Variants in RALGPS1 observed in about 807,000 individuals in gnomAD.
RALGPS1 encodes the protein Ral GEF with PH domain and SH3 binding motif 1.
In RALGPS1, 19 loss-of-function variants were observed where a neutral mutation model predicts 78.8. The observed-to-expected ratio is 0.24, with a 90% CI of 0.17 to 0.35. RALGPS1 has a LOEUF of 0.35. Among genes scored for constraint, RALGPS1 ranks in the 10% least tolerant of loss-of-function variants. The probability of loss-of-function intolerance (pLI) is 1.00; values close to 1 mark genes in which losing one functional copy is unlikely to be tolerated. For missense variants in RALGPS1, 454 were observed against 688.3 expected (o/e 0.66, Z 3.81); for synonymous variants, 228 against 256.3 (o/e 0.89, Z 1.06).
intron 13 of RALGPS1, among the ~76,000 whole-genome samples, chr9:127,198,302 C>T (rs2061447226): frequency 6.6e-6 from 1 of 152,160 alleles, no homozygotes; most frequent in Non-Finnish European, 1.5e-5. Context: ...AGTGCTCAGC[C>T]TTGGTGCTCT....
At chr9:126,927,721 A>G (rs185578130) in intron 1 of RALGPS1, among the ~76,000 whole-genome samples, 2 of 152,186 alleles carry the variant, frequency 1.3e-5, no homozygotes, top group Admixed American at 6.5e-5. Flanking sequence ...TAAAATCTCT[A>G]TCCGCTGAAG....
intron 8 of RALGPS1, among the ~76,000 whole-genome samples, chr9:127,092,204 C>A (rs551848704): frequency 6.6e-6 from 1 of 152,334 alleles, no homozygotes; most frequent in African/African-American, 2.4e-5. Context: ...TATTACCTTC[C>A]CCACAGGCTT....
intron 8 of RALGPS1, among the ~76,000 whole-genome samples, chr9:127,092,613 T>G (rs1185358617): frequency 6.6e-6 from 1 of 152,160 alleles, no homozygotes; most frequent in Non-Finnish European, 1.5e-5. Flanking sequence ...CTAATCCTCA[T>G]GTCAACTCGA....
rs143063344 is a variant in RALGPS1 at position 127,000,850 on chromosome 9, G to A, written c.216+23105G>A. ...ATTATAGGTGTGAGCCACCGCGCCC[G>A]GCCTCTGCTATTGATTTCTAATTCC... On this transcript the variant is annotated intron_variant, in intron 4 of 18. Transcript: ENST00000259351. Among the ~76,000 whole-genome samples the A allele has an allele frequency of 5.3e-5, 8 of 151,266 alleles. No homozygotes were observed. In the East Asian group the frequency reaches 1.6e-3, roughly 29 times the overall value.
At position 126,925,700 on chromosome 9, in the gene RALGPS1, A is replaced by G. The variant is rs1255114865; in HGVS notation, c.-66+10725A>G. On this transcript the variant is annotated intron_variant, in intron 1 of 18. Transcript: ENST00000259351. ...GACCAGTCTGGGCAACATAGACCCTATCTCTTAAAAAAAAAATTATAGCAC... is the reference window on the plus strand; with the variant it reads ...GACCAGTCTGGGCAACATAGACCCTGTCTCTTAAAAAAAAAATTATAGCAC... Among the ~76,000 whole-genome samples the G allele has an allele frequency of 2.6e-5, 4 of 152,242 alleles. No homozygotes were observed. The South Asian group carries it at 6.2e-4, about 24-fold the overall frequency.
intron 7 of RALGPS1, among the ~76,000 whole-genome samples, chr9:127,062,157 G>A (rs1323717715): frequency 6.6e-6 from 1 of 152,082 alleles, no homozygotes; most frequent in Non-Finnish European, 1.5e-5. Context: ...GAGTGCAGTG[G>A]CGCGATCTTG....
intron 1 of RALGPS1, among the ~76,000 whole-genome samples, chr9:126,936,281 T>C (rs2036251186): frequency 6.6e-6 from 1 of 152,228 alleles, no homozygotes; most frequent in Admixed American, 6.5e-5. Flanking sequence ...CCAAGCTTCA[T>C]ACTTGCAGCT....
Position 126,996,978 on chromosome 9 carries a change from A to G in RALGPS1, c.216+19233A>G, listed in dbSNP as rs2133398162. 1.3e-5 allele frequency among the ~76,000 whole-genome samples: 2 copies of G among 152,350 alleles called. 1 individual carries two copies. The highest frequency in any genetic ancestry group is 4.1e-4 in the South Asian group (2 of 4,834). ...GCAGAAAAGGCCTTTGACAAAATTCAACAACGCTTCATGCTAAAAACTCTC... is the reference window on the plus strand; with the variant it reads ...GCAGAAAAGGCCTTTGACAAAATTCGACAACGCTTCATGCTAAAAACTCTC... On this transcript the variant is annotated intron_variant, in intron 4 of 18. Coordinates refer to ENST00000259351, the MANE Select transcript of RALGPS1 (RefSeq NM_014636.3).
intron 5 of RALGPS1, among the ~76,000 whole-genome samples, chr9:127,049,428 A>C (rs1355123988): frequency 6.6e-6 from 1 of 152,200 alleles, no homozygotes; most frequent in Admixed American, 6.5e-5. Flanking sequence ...TTTTTGGTGC[A>C]TGCTGTCTCC....
intron 8 of RALGPS1, among the ~76,000 whole-genome samples, chr9:127,078,606 G>A (rs944722612): frequency 1.3e-5 from 2 of 152,164 alleles, no homozygotes; most frequent in Non-Finnish European, 2.9e-5. Context: ...CTTGTTTTCC[G>A]AATGCTTTGC....
At position 127,091,766 on chromosome 9, in the gene RALGPS1, G is replaced by A. The variant is rs143434673; in HGVS notation, c.610+22410G>A. 2.0e-5 allele frequency: 32 copies of A among 1,614,026 alleles called. No individual in the cohort carries two copies. Among genetic ancestry groups the A allele is most frequent in the South Asian group, 5.5e-5 (5 of 91,082 alleles). On this transcript the variant is annotated intron_variant, in intron 8 of 18. Transcript: ENST00000259351. The surrounding 1 kb of genome is among the most constrained non-coding windows in gnomAD (Gnocchi z 4.3). ...GCATTGCCATGGTAGCGCCCCAGCC[G>A]CAGCTTATAATACTCGCTCTCAGGT...
At chr9:127,180,194 A>G (rs973518556) in intron 11 of RALGPS1, among the ~76,000 whole-genome samples, 3 of 152,212 alleles carry the variant, frequency 2.0e-5, no homozygotes, top group Non-Finnish European at 2.9e-5. Context: ...AGGGCAAGTA[A>G]TGTTTGTGTG....
intron 1 of RALGPS1, among the ~76,000 whole-genome samples, chr9:126,955,621 CAATTT>C (rs939925969): frequency 1.3e-5 from 2 of 151,912 alleles, no homozygotes; most frequent in African/African-American, 4.8e-5. Context: ...ATTTAAAAAA[CAATTT>C]AATATATTTT....
Position 127,183,758 on chromosome 9 carries a change from T to G in RALGPS1, c.910+8976T>G. 1 of 917,806 alleles carries G rather than the reference T, an allele frequency of 1.1e-6. No homozygotes were observed. The allele number at this position is 917,806 out of a possible 1,614,324, so 56.9% of individuals were successfully genotyped here. On this transcript the variant is annotated intron_variant, in intron 11 of 18. Transcript: ENST00000259351. The surrounding 1 kb of genome is among the most constrained non-coding windows in gnomAD (Gnocchi z 4.0). ...CTGGAAACATACTCTCTCTGCCCGT[T>G]TATATTTTCGGAATGGATGGGTGGG... is the stretch of plus-strand genomic sequence containing the variant.
intron 14 of RALGPS1, among the ~76,000 whole-genome samples, chr9:127,207,711 C>T (rs1257573083): frequency 2.0e-5 from 3 of 152,116 alleles, no homozygotes; most frequent in Non-Finnish European, 2.9e-5. Context: ...CAGAGTTGCC[C>T]TGCCCAGCAC....
intron 8 of RALGPS1, among the ~76,000 whole-genome samples, chr9:127,127,982 C>T (rs934656361): frequency 6.6e-6 from 1 of 151,940 alleles, no homozygotes; most frequent in Non-Finnish European, 1.5e-5. Flanking sequence ...CCTGTCAACT[C>T]GTCATTTACA....
chr9:127,071,041 A>C (rs10819265), intron 8 of RALGPS1, among the ~76,000 whole-genome samples: 24,711 of 148,860 alleles, frequency 0.17, 2,706 homozygotes, highest in East Asian at 0.41. Flanking sequence ...CTCTCTCTCT[A>C]TATATATATA....
chr9:127,211,420 C>G lies in RALGPS1; in HGVS notation c.1248-711C>G, dbSNP rs2062249618. Among the ~76,000 whole-genome samples the G allele has an allele frequency of 6.6e-6, 1 of 152,152 alleles. No homozygotes were observed. Among genetic ancestry groups the G allele is most frequent in the Non-Finnish European group, 1.5e-5 (1 of 68,026 alleles). On this transcript the variant is annotated intron_variant, in intron 14 of 18. Transcript: ENST00000259351. This position sits in a 1 kb window ranked among gnomAD's most constrained non-coding sequence, Gnocchi z 5.0. ...ATGGATGGTCAGACATATTTAGTGC[C>G]TGATCCCCAGTGCATCCTTGGGATT...
chr9:127,095,577 G>A (rs551608144), intron 8 of RALGPS1, among the ~76,000 whole-genome samples: 4 of 152,324 alleles, frequency 2.6e-5, no homozygotes, highest in African/African-American at 4.8e-5. Flanking sequence ...GGGTGGGGCC[G>A]CTCTGACGCC....
Sources: gnomAD v4.1 joint callset for allele counts (sites outside exome capture counted in the v4.1 genomes callset) on GRCh38, gnomAD v4.1.1 for gene constraint, Gnocchi (gnomAD v3.1) non-coding constraint, MANE v1.5 for transcripts, NCBI Gene and HGNC (gene_info 2026-07-23, HGNC 2026-07-21) for gene names.